The following RTN1 variants were observed in gnomAD, a reference collection of about 807,000 sequenced individuals.
RTN1 encodes the protein reticulon-1.
Under a neutral mutation model 65.5 loss-of-function variants are expected in RTN1, and 25 were observed. The ratio of observed to expected loss-of-function variants is 0.38; its 90% CI spans 0.28 to 0.53. The LOEUF is 0.53. RTN1 is among the 20% of genes least tolerant of loss of function. The probability of loss-of-function intolerance (pLI) is 0.79; values close to 1 mark genes in which losing one functional copy is unlikely to be tolerated. For missense variants in RTN1, 983 were observed against 1,025.4 expected, an observed-to-expected ratio of 0.96 and a Z score of 0.57; for synonymous variants, 471 against 447.6, an observed-to-expected ratio of 1.05 and a Z score of -0.66.
At chr14:59,696,914 G>C (rs537206602) in intron 3 of RTN1, among the ~76,000 whole-genome samples, 1 of 152,226 alleles carries the variant, frequency 6.6e-6, no homozygotes, top group East Asian at 1.9e-4. Flanking sequence ...AGAATCACAA[G>C]ATCTAGAAAA....
At chr14:59,818,029 C>T (rs1274666389) in intron 1 of RTN1, among the ~76,000 whole-genome samples, 2 of 152,144 alleles carry the variant, frequency 1.3e-5, no homozygotes, top group Non-Finnish European at 2.9e-5. Context: ...CCTCCTCCCA[C>T]ATTCCCCACT....
chr14:59,774,856 G>A lies in RTN1; in HGVS notation c.242-28375C>T, dbSNP rs1016126026. Among the ~76,000 whole-genome samples the A allele has an allele frequency of 2.0e-5, 3 of 152,112 alleles. No homozygotes were observed. Among genetic ancestry groups the A allele is most frequent in the Non-Finnish European group, 4.4e-5 (3 of 68,008 alleles). ...ACAATTTCTTGATGATTAAAGTACCGTCTTTTTCTCATTAAGTGAAGAGGC... is the reference window on the plus strand; with the variant it reads ...ACAATTTCTTGATGATTAAAGTACCATCTTTTTCTCATTAAGTGAAGAGGC... On this transcript the variant is annotated intron_variant, in intron 1 of 8. Coordinates refer to ENST00000267484, the MANE Select transcript of RTN1 (RefSeq NM_021136.3). The surrounding 1 kb of genome is among the most constrained non-coding windows in gnomAD (Gnocchi z 5.1).
intron 3 of RTN1, among the ~76,000 whole-genome samples, chr14:59,697,339 G>T (rs1293805958): frequency 2.0e-5 from 3 of 152,174 alleles, no homozygotes; most frequent in Admixed American, 6.5e-5. Context: ...ACTGTAGAGT[G>T]ATGATGTGCT....
intron 3 of RTN1, among the ~76,000 whole-genome samples, chr14:59,650,200 T>A (rs976805504): frequency 6.6e-5 from 10 of 152,106 alleles, no homozygotes; most frequent in African/African-American, 9.7e-5. Context: ...AGTTGAACAA[T>A]GAGAACACAT....
At chr14:59,640,267 A>C (rs1453389535) in intron 3 of RTN1, among the ~76,000 whole-genome samples, 2 of 151,978 alleles carry the variant, frequency 1.3e-5, no homozygotes, top group African/African-American at 2.4e-5. Flanking sequence ...GCTTATGTCA[A>C]TGTTGGTTTT....
intron 3 of RTN1, among the ~76,000 whole-genome samples, chr14:59,726,520 C>A (rs1436854057): frequency 6.6e-6 from 1 of 152,158 alleles, no homozygotes; most frequent in Non-Finnish European, 1.5e-5. Context: ...TGGGTTCCAG[C>A]ACCTACAGAG....
chr14:59,617,830 C>A (rs903405039), intron 3 of RTN1, among the ~76,000 whole-genome samples: 2 of 152,164 alleles, frequency 1.3e-5, no homozygotes, highest in Non-Finnish European at 2.9e-5. Context: ...TGCATGAGTA[C>A]GCTCAGACAG....
chr14:59,612,946 G>A (rs1016822760), intron 3 of RTN1, among the ~76,000 whole-genome samples: 1 of 152,160 alleles, frequency 6.6e-6, no homozygotes, highest in Non-Finnish European at 1.5e-5. Flanking sequence ...TTTTGACAGT[G>A]GTGGCCGGGG....
Position 59,682,870 on chromosome 14 carries a change from T to C in RTN1, c.1765+44049A>G, listed in dbSNP as rs553144600. 2.0e-5 allele frequency among the ~76,000 whole-genome samples: 3 copies of C among 152,280 alleles called. No homozygotes were observed. In the South Asian group the frequency reaches 6.2e-4, roughly 32 times the overall value. ...CAGAAACTGTGGTTCCTAATACGCA[T>C]GCACTAATTTGCCTAATAGAAATCT... On this transcript the variant is annotated intron_variant, in intron 3 of 8. Transcript: ENST00000267484.
At chr14:59,817,108 T>G (rs149994476) in intron 1 of RTN1, among the ~76,000 whole-genome samples, 82 of 152,114 alleles carry the variant, frequency 5.4e-4, no homozygotes, top group African/African-American at 2.0e-3. Flanking sequence ...TTCAGGAAAT[T>G]GTTACTAAGA....
chr14:59,666,962 CAAAAAAAAAAA>C (rs146213616), intron 3 of RTN1, among the ~76,000 whole-genome samples: 2 of 60,106 alleles, frequency 3.3e-5, no homozygotes, highest in Non-Finnish European at 6.0e-5. Context: ...GCCGACCAAC[CAAAAAAAAAAA>C]AAAAAAAAAA....
Position 59,710,000 on chromosome 14 carries a change from C to T in RTN1, c.1765+16919G>A, listed in dbSNP as rs560164476. On this transcript the variant is annotated intron_variant, in intron 3 of 8. Coordinates refer to ENST00000267484, the MANE Select transcript of RTN1 (RefSeq NM_021136.3). ...CCCTCCCTCCCTTCCTTCCTTCCTT[C>T]GTTCCTTTTTCTTTCCTCCTCTCCT... Among the ~76,000 whole-genome samples, 8 of 137,352 alleles carry T rather than the reference C, an allele frequency of 5.8e-5. 1 individual carries two copies. The highest frequency in any genetic ancestry group is 7.3e-3 in the Middle Eastern group (2 of 274). 90.1% of individuals were successfully genotyped at this position (137,352 alleles called of 152,430 possible).
chr14:59,671,432 T>G (rs1883502165), intron 3 of RTN1, among the ~76,000 whole-genome samples: 1 of 152,138 alleles, frequency 6.6e-6, no homozygotes, highest in Non-Finnish European at 1.5e-5. Context: ...AGAAAAACAT[T>G]CCACACTAAA....
rs1307739979 is a variant in RTN1 at position 59,727,433 on chromosome 14, G to T, written c.1251C>A (p.Ser417=). ...ESGDSEIELV[S]EDPMAAEDAL... The stretch of plus-strand genomic sequence containing the variant: ...CGTCCTCCGCGGCCATGGGGTCCTC[G>T]GACACCAGCTCGATCTCTGAGTCCC... The change falls in exon 3 of 9, where the codon TCC becomes TCA. Residue 417 remains serine, a synonymous_variant. Coordinates refer to ENST00000267484, the MANE Select transcript of RTN1 (RefSeq NM_021136.3). The surrounding 1 kb of genome is among the most constrained non-coding windows in gnomAD (Gnocchi z 4.2). The T allele has an allele frequency of 1.3e-6, 2 of 1,554,130 alleles. No individual in the cohort carries two copies. The highest frequency in any genetic ancestry group is 1.7e-6 in the Non-Finnish European group (2 of 1,149,746).
At chr14:59,761,208 T>C (rs747611695) in intron 1 of RTN1, among the ~76,000 whole-genome samples, 1 of 152,208 alleles carries the variant, frequency 6.6e-6, no homozygotes, top group Non-Finnish European at 1.5e-5. Flanking sequence ...TTCATGCTAA[T>C]TGTCTTAGAC....
Position 59,837,522 on chromosome 14 carries a change from T to C in RTN1, c.241+32868A>G, listed in dbSNP as rs1327520564. Among the ~76,000 whole-genome samples the C allele has an allele frequency of 3.9e-5, 6 of 151,982 alleles. No homozygotes were observed. In the East Asian group the frequency reaches 7.7e-4, roughly 19 times the overall value. ...ACATCAAATAACAAACTGATAAATA[T>C]ACATAAATGTATATAACAAAAAAGT... On this transcript the variant is annotated intron_variant, in intron 1 of 8. Coordinates refer to ENST00000267484, the MANE Select transcript of RTN1 (RefSeq NM_021136.3).
chr14:59,763,285 T>C (rs1885784436), intron 1 of RTN1, among the ~76,000 whole-genome samples: 1 of 152,208 alleles, frequency 6.6e-6, no homozygotes, highest in Admixed American at 6.5e-5. Context: ...TTCATTTTGC[T>C]CCTCCGAGCT....
At chr14:59,680,031 T>C (rs1883713186) in intron 3 of RTN1, among the ~76,000 whole-genome samples, 1 of 152,184 alleles carries the variant, frequency 6.6e-6, no homozygotes, top group Non-Finnish European at 1.5e-5. Flanking sequence ...TCACTGCAAC[T>C]ACTGCCCTCA....
At chr14:59,602,920 G>T in intron 8 of RTN1, 145 bp downstream of exon 8, 1 of 597,014 alleles carries the variant, frequency 1.7e-6, no homozygotes. Flanking sequence ...ACATAATTGA[G>T]AAGAGAATGA....
Sources: gnomAD v4.1 joint callset for allele counts (sites outside exome capture counted in the v4.1 genomes callset) on GRCh38, gnomAD v4.1.1 for gene constraint, Gnocchi (gnomAD v3.1) non-coding constraint, MANE v1.5 for transcripts, NCBI Gene and HGNC (gene_info 2026-07-23, HGNC 2026-07-21) for gene names.